IL23R: variants seen among roughly 807,000 people sequenced by gnomAD.
IL23R encodes the protein interleukin 23 receptor.
A neutral mutation model predicts 56.9 loss-of-function variants in IL23R; 34 were observed. That is an observed-to-expected ratio of 0.60 (90% CI 0.45 to 0.80). The LOEUF is 0.80. Ranked by LOEUF, IL23R falls within the 30% of genes least tolerant of loss-of-function variation. The probability of loss-of-function intolerance (pLI) is 0.00; values close to 1 mark genes in which losing one functional copy is unlikely to be tolerated. For synonymous variants in IL23R, 230 were observed against 249.2 expected, an observed-to-expected ratio of 0.92 and a Z score of 0.73; for missense variants, 635 against 730.0, an observed-to-expected ratio of 0.87 and a Z score of 1.50.
intron 7 of IL23R, among the ~76,000 whole-genome samples, chr1:67,235,933 G>A (rs995921667): frequency 6.6e-6 from 1 of 152,154 alleles, no homozygotes; most frequent in African/African-American, 2.4e-5. Context: ...GGGATCCAAG[G>A]CTTAGAGCCA....
chr1:67,259,321 T>C lies in IL23R; in HGVS notation c.*193T>C, dbSNP rs181683674. ...ATTGCTGGGCCATATGATAAGCATA[T>C]GTTTCAGTTCTACCAATCTTGTTTC... On this transcript the variant is annotated 3_prime_UTR_variant, in exon 11 of 11. Transcript: ENST00000347310. 1.7e-6 allele frequency: 1 copy of C among 602,350 alleles called. No homozygotes were observed. The highest frequency in any genetic ancestry group is 2.9e-5 in the East Asian group (1 of 34,264). The allele number at this position is 602,350 out of a possible 1,614,324, so 37.3% of individuals were successfully genotyped here.
At chr1:67,148,207 T>C (rs1646698365) in intron 1 of IL23R, among the ~76,000 whole-genome samples, 1 of 152,156 alleles carries the variant, frequency 6.6e-6, no homozygotes, top group African/African-American at 2.4e-5. Flanking sequence ...GGGGTGGAAG[T>C]CAGTGGTGGG....
At chr1:67,174,857 A>G (rs1219677539) in intron 3 of IL23R, among the ~76,000 whole-genome samples, 2 of 152,110 alleles carry the variant, frequency 1.3e-5, no homozygotes, top group African/African-American at 2.4e-5. Context: ...TAAATAGACT[A>G]AAGACTGTGA....
intron 3 of IL23R, among the ~76,000 whole-genome samples, chr1:67,180,549 C>A (rs1647123752): frequency 6.6e-6 from 1 of 152,158 alleles, no homozygotes; most frequent in African/African-American, 2.4e-5. Flanking sequence ...ATACAGCACG[C>A]TGATGGGTCT....
intron 7 of IL23R, among the ~76,000 whole-genome samples, chr1:67,233,664 G>C (rs1651257404): frequency 6.6e-6 from 1 of 152,118 alleles, no homozygotes; most frequent in Non-Finnish European, 1.5e-5. Context: ...TAAGACTAAA[G>C]TTTGGTGCCA....
At chr1:67,145,141 T>C (rs908029361) in intron 1 of IL23R, among the ~76,000 whole-genome samples, 1 of 151,516 alleles carries the variant, frequency 6.6e-6, no homozygotes, top group African/African-American at 2.4e-5. Flanking sequence ...GGTCAGGGAG[T>C]TCAAGAACAG....
chr1:67,241,595 C>A (rs1651856715), intron 9 of IL23R, among the ~76,000 whole-genome samples: 1 of 152,186 alleles, frequency 6.6e-6, no homozygotes, highest in African/African-American at 2.4e-5. Context: ...GGTTTCTGTT[C>A]TCAGCATGTA....
intron 6 of IL23R, among the ~76,000 whole-genome samples, chr1:67,210,439 T>C (rs1403476896): frequency 6.6e-6 from 1 of 150,776 alleles, no homozygotes; most frequent in African/African-American, 2.4e-5. Context: ...GTTTCTGGCC[T>C]TTTTTTTTCC....
downstream of IL23R, among the ~76,000 whole-genome samples, chr1:67,261,035 T>A (rs1653187113): frequency 6.6e-6 from 1 of 152,170 alleles, no homozygotes; most frequent in South Asian, 2.1e-4. Context: ...TTAAAAAGAC[T>A]CATTGCTTAC....
chr1:67,240,396 A>T, intron 9 of IL23R, 115 bp downstream of exon 9: 1 of 714,548 alleles, frequency 1.4e-6, no homozygotes, highest in Non-Finnish European at 2.5e-6. Flanking sequence ...TATTCAGATA[A>T]AGGAAAATAA....
In IL23R at chr1:67,204,209, G is replaced by A. The variant is rs1001331284; in HGVS notation, c.653-2701G>A. Among the ~76,000 whole-genome samples the A allele has an allele frequency of 2.0e-5, 3 of 152,090 alleles. No homozygotes were observed. In the South Asian group the frequency reaches 6.2e-4, roughly 32 times the overall value. On this transcript the variant is annotated intron_variant, in intron 5 of 10. Transcript: ENST00000347310. ...CTCCCGAGTAGCTGGGACTACAGGC[G>A]CCAGCCACCTCGCCCCGCTAATTTT...
chr1:67,183,756 G>T (rs1340376651), intron 4 of IL23R, among the ~76,000 whole-genome samples: 2 of 152,078 alleles, frequency 1.3e-5, no homozygotes, highest in Non-Finnish European at 2.9e-5. Context: ...GGAAGCTATT[G>T]TTAATAATGA....
chr1:67,218,358 G>A (rs2863211), intron 6 of IL23R, among the ~76,000 whole-genome samples: 106,968 of 137,078 alleles, frequency 0.78, 41,760 homozygotes, highest in East Asian at 0.97. Flanking sequence ...GTGTGTGTGT[G>A]TATATATATA....
intron 1 of IL23R, among the ~76,000 whole-genome samples, chr1:67,150,410 C>G (rs1436582876): frequency 1.3e-5 from 2 of 151,836 alleles, no homozygotes; most frequent in East Asian, 3.9e-4. Context: ...TCCTAATGCT[C>G]TCCCTCCCCT....
At chr1:67,143,233 C>CT (rs1164990916) in intron 1 of IL23R, among the ~76,000 whole-genome samples, 25 of 152,172 alleles carry the variant, frequency 1.6e-4, no homozygotes, top group Non-Finnish European at 2.4e-4. Flanking sequence ...AGTAGCATGG[C>CT]TTTTAACATA....
intron 9 of IL23R, among the ~76,000 whole-genome samples, chr1:67,243,479 G>A (rs1316102942): frequency 6.6e-6 from 1 of 151,830 alleles, no homozygotes; most frequent in African/African-American, 2.4e-5. Context: ...CCCTTGACAG[G>A]CCCCAATGTG....
At chr1:67,215,344 T>A (rs1359562161) in intron 6 of IL23R, among the ~76,000 whole-genome samples, 1 of 152,222 alleles carries the variant, frequency 6.6e-6, no homozygotes, top group Non-Finnish European at 1.5e-5. Context: ...TGGGCATGTG[T>A]TTGCAGCTCA....
At chr1:67,201,162 G>T (rs1340273670) in intron 5 of IL23R, among the ~76,000 whole-genome samples, 4 of 152,026 alleles carry the variant, frequency 2.6e-5, no homozygotes, top group Admixed American at 2.6e-4. Context: ...CCAGCATTTT[G>T]GGAGGTCGAG....
At position 67,257,658 on chromosome 1, in the gene IL23R, T is replaced by G. The variant is rs145902662; in HGVS notation, c.1240-820T>G. 5.4e-3 allele frequency among the ~76,000 whole-genome samples: 820 copies of G among 152,320 alleles called. 5 individuals are homozygous for G. Among genetic ancestry groups the G allele is most frequent in the African/African-American group, 0.019 (772 of 41,566 alleles). ...AGGCTAAAACCTTCACCCACCCTCC[T>G]TATCATCACAAACATGTCTGAATTG... On this transcript the variant is annotated intron_variant, in intron 10 of 10. Transcript: ENST00000347310.
Sources: allele counts gnomAD v4.1 joint callset (sites outside exome capture counted in the v4.1 genomes callset), GRCh38; gene constraint gnomAD v4.1.1; transcripts MANE v1.5; gene names NCBI Gene and HGNC (gene_info 2026-07-23, HGNC 2026-07-21).